GMNC: variants seen among roughly 807,000 people sequenced by gnomAD.
The protein encoded by GMNC is geminin coiled-coil domain-containing protein 1.
A neutral mutation model predicts 33.6 loss-of-function variants in GMNC; 16 were observed. The ratio of observed to expected loss-of-function variants is 0.48; its 90% CI spans 0.32 to 0.72. The LOEUF is 0.72. GMNC is among the 30% of genes least tolerant of loss of function. The pLI is 0.03. For missense variants in GMNC, 393 were observed against 388.9 expected (o/e 1.01, Z -0.09); for synonymous variants, 156 against 147.3 (o/e 1.06, Z -0.43).
chr3:190,860,928 A>T, intron 1 of GMNC, 70 bp from the exon 2 acceptor site: 1 of 1,117,742 alleles, frequency 8.9e-7, no homozygotes, highest in Non-Finnish European at 1.3e-6. Flanking sequence ...GAAGGGGGAA[A>T]GGGTGGGAGA....
chr3:190,851,266 G>T (rs189567934), downstream of GMNC, among the ~76,000 whole-genome samples: 2 of 152,312 alleles, frequency 1.3e-5, no homozygotes, highest in Non-Finnish European at 1.5e-5. Context: ...GAGGTGGAAT[G>T]TCACAAAACT....
At chr3:190,851,942 T>TACAAGA (rs1737641798), downstream of GMNC, among the ~76,000 whole-genome samples, 1 of 151,978 alleles carries the variant, frequency 6.6e-6, no homozygotes, top group Admixed American at 6.6e-5. Context: ...AATTGCAGGA[T>TACAAGA]ATTTGATACA....
intron 3 of GMNC, 137 bp from the exon 4 acceptor site, chr3:190,858,036 T>C (rs1359510749): frequency 4.8e-6 from 3 of 624,360 alleles, no homozygotes; most frequent in African/African-American, 1.8e-5. Context: ...GCCCTCATCC[T>C]GAGAGGCCTA....
the GMNC span, among the ~76,000 whole-genome samples, chr3:190,846,885 T>C: frequency 1.3e-5 from 2 of 152,228 alleles, no homozygotes; most frequent in African/African-American, 4.8e-5. Flanking sequence ...CTTTCGTCCA[T>C]GAAACTGAGT....
At chr3:190,846,907 A>G in the GMNC span, among the ~76,000 whole-genome samples, 1 of 152,222 alleles carries the variant, frequency 6.6e-6, no homozygotes, top group Non-Finnish European at 1.5e-5. Context: ...CATGTGTTTT[A>G]AACTTTAATC....
At chr3:190,843,563 C>T in the GMNC span, among the ~76,000 whole-genome samples, 1 of 152,054 alleles carries the variant, frequency 6.6e-6, no homozygotes, top group Admixed American at 6.6e-5. Context: ...AGGTTTCTGC[C>T]CTGCTTTCCC....
At position 190,855,452 on chromosome 3, in the gene GMNC, G is replaced by T; in HGVS notation, c.848C>A (p.Thr283Asn). 6.4e-7 allele frequency: 1 copy of T among 1,552,056 alleles called. No homozygotes were observed. The highest frequency in any genetic ancestry group is 8.7e-7 in the Non-Finnish European group (1 of 1,147,016). ...PVGLKTLPYY[T>N]AHVSPNKTEM... is the part of the protein sequence containing the mutation. ...TGTCTTGTTGGGTGACACATGAGCA[G>T]TATAGTAAGGAAGAGTTTTCAGCCC... The change falls in exon 5 of 5, where the codon ACT becomes AAT. Residue 283 changes from threonine to asparagine, a missense_variant. Physicochemically the swap from Thr to Asn is moderately conservative, Grantham distance 65. Coordinates refer to ENST00000442080, the MANE Select transcript of GMNC (RefSeq NM_001146686.3).
chr3:190,861,253 C>G lies in GMNC; in HGVS notation c.4-395G>C, dbSNP rs1009123542. On this transcript the variant is annotated intron_variant, in intron 1 of 4. Transcript: ENST00000442080. This position sits in a 1 kb window ranked among gnomAD's most constrained non-coding sequence, Gnocchi z 5.1. ...ACTATTTGGTTCTTTCTGCAAATACCTTAATTATATTTCTAAAACTCCTGA... is the reference window on the plus strand; with the variant it reads ...ACTATTTGGTTCTTTCTGCAAATACGTTAATTATATTTCTAAAACTCCTGA... 1.3e-5 allele frequency among the ~76,000 whole-genome samples: 2 copies of G among 152,150 alleles called. No homozygotes were observed. Among genetic ancestry groups the G allele is most frequent in the Admixed American group, 6.5e-5 (1 of 15,270 alleles).
chr3:190,846,104 G>T, the GMNC span, among the ~76,000 whole-genome samples: 1 of 151,890 alleles, frequency 6.6e-6, no homozygotes, highest in African/African-American at 2.4e-5. Context: ...TGGCATGCAC[G>T]TGTGATCCCA....
At chr3:190,844,968 G>C in the GMNC span, among the ~76,000 whole-genome samples, 1 of 152,014 alleles carries the variant, frequency 6.6e-6, no homozygotes, top group Admixed American at 6.6e-5. Flanking sequence ...AATATGATCC[G>C]TGGATAAAAT....
chr3:190,848,476 G>A (rs191743183), downstream of GMNC, among the ~76,000 whole-genome samples: 26 of 152,170 alleles, frequency 1.7e-4, no homozygotes, highest in Admixed American at 1.4e-3. Context: ...TTACTAACTG[G>A]TAAACTCTTT....
At chr3:190,848,486 T>C (rs935821169), downstream of GMNC, among the ~76,000 whole-genome samples, 3 of 152,348 alleles carry the variant, frequency 2.0e-5, no homozygotes, top group African/African-American at 7.2e-5. Context: ...GTAAACTCTT[T>C]TAAGACATGA....
At chr3:190,843,276 C>T in the GMNC span, among the ~76,000 whole-genome samples, 12 of 151,792 alleles carry the variant, frequency 7.9e-5, no homozygotes, top group African/African-American at 2.4e-4. Flanking sequence ...TGGGGTTGAA[C>T]GTGTTACAGT....
chr3:190,849,162 A>C (rs1737594863), downstream of GMNC, among the ~76,000 whole-genome samples: 1 of 152,148 alleles, frequency 6.6e-6, no homozygotes, highest in African/African-American at 2.4e-5. Context: ...GGAAATTTGG[A>C]GGGAGGACAA....
At chr3:190,846,860 A>G in the GMNC span, among the ~76,000 whole-genome samples, 1 of 152,216 alleles carries the variant, frequency 6.6e-6, no homozygotes, top group Non-Finnish European at 1.5e-5. Context: ...GGTAAACATC[A>G]TAAATATTAG....
chr3:190,859,749 T>C (rs1577912901), intron 2 of GMNC: 1 of 427,910 alleles, frequency 2.3e-6, no homozygotes, highest in East Asian at 7.1e-5. Flanking sequence ...ACTAACCAGG[T>C]CTACTTTTAC....
Position 190,862,477 on chromosome 3 carries a change from A to G in GMNC, c.3+136T>C. ...GATACTAAAAGAGACACAGGGCAGC[A>G]GAGAGGATCTGTTTTAACTGGCGGG... is the stretch of plus-strand genomic sequence containing the variant. On this transcript the variant is annotated intron_variant, in intron 1 of 4. Coordinates refer to ENST00000442080, the MANE Select transcript of GMNC (RefSeq NM_001146686.3). This position sits in a 1 kb window ranked among gnomAD's most constrained non-coding sequence, Gnocchi z 4.5. 1 of 728,544 alleles carries G rather than the reference A, an allele frequency of 1.4e-6. No individual in the cohort carries two copies. 45.1% of individuals were successfully genotyped at this position (728,544 alleles called of 1,614,324 possible).
chr3:190,860,836 T>C lies in GMNC; in HGVS notation c.26A>G (p.Asp9Gly), dbSNP rs998822632. ...GCTCTGGCCTCCTACAAAGTACTGG[T>C]CTTGGCAAGGCAGAATGGTGTTCTG... MNTILPCQ[D>G]QYFVGGQSYN... is the part of the protein sequence containing the mutation. The change falls in exon 2 of 5, where the codon GAC (aspartate) becomes GGC (glycine). Residue 9 changes from aspartate to glycine, a missense_variant. Coordinates refer to ENST00000442080, the MANE Select transcript of GMNC (RefSeq NM_001146686.3). 2 of 1,550,328 alleles carry C rather than the reference T, an allele frequency of 1.3e-6. No individual in the cohort carries two copies. The highest frequency in any genetic ancestry group is 1.7e-6 in the Non-Finnish European group (2 of 1,146,352).
the GMNC span, among the ~76,000 whole-genome samples, chr3:190,846,025 T>C: frequency 0.01 from 1,589 of 152,072 alleles, 27 homozygotes; most frequent in African/African-American, 0.037. Flanking sequence ...CTCAGGAGAA[T>C]GAGACAAGCC....
Sources: allele counts gnomAD v4.1 joint callset (sites outside exome capture counted in the v4.1 genomes callset), GRCh38; gene constraint gnomAD v4.1.1; non-coding constraint Gnocchi (gnomAD v3.1); transcripts MANE v1.5; gene names NCBI Gene and HGNC (gene_info 2026-07-23, HGNC 2026-07-21).